GRPEL2: variants seen among roughly 807,000 people sequenced by gnomAD.
The protein encoded by GRPEL2 is GrpE like 2, mitochondrial, also known as grpE protein homolog 2, mitochondrial.
In GRPEL2, 18 loss-of-function variants were observed where a neutral mutation model predicts 25.9. That is an observed-to-expected ratio of 0.70 (90% CI 0.48 to 1.03). GRPEL2 has a LOEUF of 1.03. GRPEL2 is among the 50% of genes least tolerant of loss of function. The pLI is 0.00. For synonymous variants in GRPEL2, 106 were observed against 107.9 expected, an observed-to-expected ratio of 0.98 and a Z score of 0.11; for missense variants, 247 against 276.2, an observed-to-expected ratio of 0.89 and a Z score of 0.75.
At chr5:149,350,184 TC>T (rs1322001058) in intron 3 of GRPEL2, among the ~76,000 whole-genome samples, 12 of 152,258 alleles carry the variant, frequency 7.9e-5, no homozygotes, top group African/African-American at 2.7e-4. Flanking sequence ...AGCTTTGGTA[TC>T]GTGTCATAGA....
chr5:149,350,811 C>T (rs1168754351), intron 3 of GRPEL2, 107 bp from the exon 4 acceptor site: 1 of 1,161,854 alleles, frequency 8.6e-7, no homozygotes, highest in Non-Finnish European at 1.2e-6. Flanking sequence ...TTTCCACTTG[C>T]TGGACTACTC....
At chr5:149,348,228 A>T in intron 1 of GRPEL2, 44 bp from the exon 2 acceptor site, 2 of 1,544,012 alleles carry the variant, frequency 1.3e-6, no homozygotes, top group Non-Finnish European at 1.7e-6. Flanking sequence ...ATTTTGGCTT[A>T]TGATGGCATT....
chr5:149,346,715 ATTTTTTTTTTTTTTTTTTTTTTT>A (rs34300270), intron 1 of GRPEL2, among the ~76,000 whole-genome samples: 37 of 59,266 alleles, frequency 6.2e-4, no homozygotes, highest in Admixed American at 2.8e-3. Flanking sequence ...GGCCCTGAGA[ATTTTTTTTTTTTTTTTTTTTTTT>A]TTTTTTTTTT....
chr5:149,348,417 G>A lies in GRPEL2; in HGVS notation c.223G>A (p.Asp75Asn). ...KAVKLEKEVQDLTVRYQRAIA... is the reference protein window; with the variant it reads ...KAVKLEKEVQNLTVRYQRAIA... Reference sequence around the variant, plus strand: ...TGTTAAACTGGAGAAAGAAGTCCAAGATTTAACAGTGAGTCAATTTTATAT... The same window carrying A: ...TGTTAAACTGGAGAAAGAAGTCCAAAATTTAACAGTGAGTCAATTTTATAT... The change falls in exon 2 of 4, where the codon GAT becomes AAT. Residue 75 changes from aspartate (D) to asparagine (N), a missense_variant. By Grantham distance (23) the Asp-to-Asn change is conservative (BLOSUM62 1). Around this residue, in one of 2 missense-constraint regions of GRPEL2, gnomAD observed 125 missense variants for 107.0 expected, o/e 1.17. Coordinates refer to ENST00000329271, the MANE Select transcript of GRPEL2 (RefSeq NM_152407.4). The A allele has an allele frequency of 2.5e-6, 4 of 1,595,974 alleles. No homozygotes were observed. Among genetic ancestry groups the A allele is most frequent in the Non-Finnish European group, 3.4e-6 (4 of 1,174,976 alleles).
intron 2 of GRPEL2, among the ~76,000 whole-genome samples, chr5:149,349,009 A>C (rs977769174): frequency 6.6e-6 from 1 of 150,402 alleles, no homozygotes; most frequent in African/African-American, 2.5e-5. Flanking sequence ...TTTTTTTTTT[A>C]AATGAGACGT....
Position 149,354,187 on chromosome 5 carries a change from C to G in GRPEL2, c.*2905C>G, listed in dbSNP as rs1012663114. ...TAAAATTAGCCACACCACAGGAAAC[C>G]CACATTTTTAGATGGAAAGAGCAAG... On this transcript the variant is annotated 3_prime_UTR_variant, in exon 4 of 4. Transcript: ENST00000329271. 1 of 152,110 alleles carries G rather than the reference C, an allele frequency of 6.6e-6. No individual in the cohort carries two copies. Among genetic ancestry groups the G allele is most frequent in the Non-Finnish European group, 1.5e-5 (1 of 68,014 alleles). 9.4% of individuals were successfully genotyped at this position (152,110 alleles called of 1,614,324 possible). A position where few individuals can be genotyped will look rare whatever the true frequency, so the allele number is the denominator to read the frequency against.
rs959686051 is a variant in GRPEL2 at position 149,352,274 on chromosome 5, T to C, written c.*992T>C. The C allele has an allele frequency of 1.3e-5, 2 of 152,138 alleles. No homozygotes were observed. The highest frequency in any genetic ancestry group is 4.8e-5 in the African/African-American group (2 of 41,430). The allele number at this position is 152,138 out of a possible 1,614,324, so 9.4% of individuals were successfully genotyped here. The stretch of plus-strand genomic sequence containing the variant: ...CCTCTGGCTCTATTTATGTTACTTT[T>C]TGCGATAAGAACACTTAACATAAGT... On this transcript the variant is annotated 3_prime_UTR_variant, in exon 4 of 4. Coordinates refer to ENST00000329271, the MANE Select transcript of GRPEL2 (RefSeq NM_152407.4).
At position 149,351,270 on chromosome 5, in the gene GRPEL2, GAGA is replaced by G; in HGVS notation, c.670_672del (p.Arg224del). The G allele has an allele frequency of 6.2e-7, 1 of 1,608,520 alleles. No individual in the cohort carries two copies. The highest frequency in any genetic ancestry group is 8.5e-7 in the Non-Finnish European group (1 of 1,175,706). On this transcript the variant is annotated inframe_deletion, in exon 4 of 4. Coordinates refer to ENST00000329271, the MANE Select transcript of GRPEL2 (RefSeq NM_152407.4). Reference sequence around the variant, plus strand: ...GAGTGGAAGTGGCAGTGGAGTCTCAGAGAAGACTGTGAAGAGGCCATCAGGAAC... The same window carrying G: ...GAGTGGAAGTGGCAGTGGAGTCTCAGAGACTGTGAAGAGGCCATCAGGAAC...
At position 149,348,271 on chromosome 5, in the gene GRPEL2, G is replaced by T; in HGVS notation, c.78-1G>T. 1 of 1,588,922 alleles carries T rather than the reference G, an allele frequency of 6.3e-7. No homozygotes were observed. The highest frequency in any genetic ancestry group is 1.9e-5 in the Admixed American group (1 of 52,638). On this transcript the variant is annotated splice_acceptor_variant, in intron 1 of 3. Coordinates refer to ENST00000329271, the MANE Select transcript of GRPEL2 (RefSeq NM_152407.4). LOFTEE classifies it high-confidence loss of function. ...TATGTGCCACCTCCTTCCTGTTTTAGGGGATGGCCGCTTCCATTCAGCACT... is the reference window on the plus strand; with the variant it reads ...TATGTGCCACCTCCTTCCTGTTTTATGGGATGGCCGCTTCCATTCAGCACT...
At position 149,351,349 on chromosome 5, in the gene GRPEL2, T is replaced by C; in HGVS notation, c.*67T>C. On this transcript the variant is annotated 3_prime_UTR_variant, in exon 4 of 4. Coordinates refer to ENST00000329271, the MANE Select transcript of GRPEL2 (RefSeq NM_152407.4). ...CCTATGTTTCTTTTATTTATTAAAC[T>C]AGGTTTGTATTGTACATGAGGTACT... is the stretch of plus-strand genomic sequence containing the variant. The C allele has an allele frequency of 6.7e-7, 1 of 1,484,410 alleles. No individual in the cohort carries two copies. The highest frequency in any genetic ancestry group is 9.0e-7 in the Non-Finnish European group (1 of 1,106,270). 92.0% of individuals were successfully genotyped at this position (1,484,410 alleles called of 1,614,324 possible). A position where few individuals can be genotyped will look rare whatever the true frequency, so the allele number is the denominator to read the frequency against.
At position 149,351,216 on chromosome 5, in the gene GRPEL2, A is replaced by C. The variant is rs761148157; in HGVS notation, c.612A>C (p.Lys204Asn). The C allele has an allele frequency of 6.8e-6, 11 of 1,614,016 alleles. No individual in the cohort carries two copies. Among genetic ancestry groups the C allele is most frequent in the Non-Finnish European group, 9.3e-6 (11 of 1,180,038 alleles). Reference sequence around the variant, plus strand: ...CATTAGTAAGACAAGATGGCTACAAACTTCATGGCCGCACCATTAGGCTTG... The same window carrying C: ...CATTAGTAAGACAAGATGGCTACAACCTTCATGGCCGCACCATTAGGCTTG... ...TVALVRQDGY[K>N]LHGRTIRLAR... The change falls in exon 4 of 4, where the codon AAA becomes AAC. Residue 204 changes from lysine (K) to asparagine (N), a missense_variant. Transcript: ENST00000329271.
chr5:149,348,495 T>A, intron 2 of GRPEL2, 70 bp downstream of exon 2: 4 of 1,313,726 alleles, frequency 3.0e-6, no homozygotes, highest in Non-Finnish European at 4.1e-6. Context: ...GTTTTTTATG[T>A]CAATTTTCAA....
At chr5:149,349,766 T>C (rs1757747647) in intron 3 of GRPEL2, 31 bp downstream of exon 3, 1 of 1,539,458 alleles carries the variant, frequency 6.5e-7, no homozygotes, top group Non-Finnish European at 9.0e-7. Flanking sequence ...AAAAATGTCT[T>C]TGGTTGGGCA....
chr5:149,351,245 G>A lies in GRPEL2; in HGVS notation c.641G>A (p.Arg214Gln), dbSNP rs567505041. Residue 214 changes from arginine (R) to glutamine (Q), a missense_variant, in exon 4 of 4, where the codon CGA becomes CAA. Arg to Gln is a conservative substitution (Grantham distance 43). This residue lies in a region of GRPEL2 where 122 missense variants were observed against 169.2 expected (regional missense o/e 0.72). Transcript: ENST00000329271. ...KLHGRTIRLA[R>Q]VEVAVESQRR... ...CATGGCCGCACCATTAGGCTTGCCC[G>A]AGTGGAAGTGGCAGTGGAGTCTCAG... is the stretch of plus-strand genomic sequence containing the variant. 24 of 1,611,412 alleles carry A rather than the reference G, an allele frequency of 1.5e-5. No individual in the cohort carries two copies. Among genetic ancestry groups the A allele is most frequent in the South Asian group, 7.7e-5 (7 of 91,030 alleles).
At position 149,351,745 on chromosome 5, in the gene GRPEL2, C is replaced by G. The variant is rs1757779884; in HGVS notation, c.*463C>G. 6.4e-6 allele frequency: 1 copy of G among 155,110 alleles called. No individual in the cohort carries two copies. The highest frequency in any genetic ancestry group is 1.4e-5 in the Non-Finnish European group (1 of 69,764). The allele number at this position is 155,110 out of a possible 1,614,324, so 9.6% of individuals were successfully genotyped here. On this transcript the variant is annotated 3_prime_UTR_variant, in exon 4 of 4. Transcript: ENST00000329271. Reference sequence around the variant, plus strand: ...GATCATTTGGATTGATTTTTATACACATAGATTTTCAGGACTTTACCTTTT... The same window carrying G: ...GATCATTTGGATTGATTTTTATACAGATAGATTTTCAGGACTTTACCTTTT...
Position 149,353,109 on chromosome 5 carries a change from TCTC to T in GRPEL2, c.*1830_*1832del, listed in dbSNP as rs1757800855. 6.6e-6 allele frequency: 1 copy of T among 152,646 alleles called. No individual in the cohort carries two copies. Among genetic ancestry groups the T allele is most frequent in the Non-Finnish European group, 1.5e-5 (1 of 68,044 alleles). The allele number at this position is 152,646 out of a possible 1,614,324, so 9.5% of individuals were successfully genotyped here. ...GCACACAAACTTATCAATAAAGCCA[TCTC>T]CTTGTGGGCCTTACCATCTTCATCA... On this transcript the variant is annotated 3_prime_UTR_variant, in exon 4 of 4. Coordinates refer to ENST00000329271, the MANE Select transcript of GRPEL2 (RefSeq NM_152407.4).
chr5:149,347,067 G>GT (rs144494678), intron 1 of GRPEL2, among the ~76,000 whole-genome samples: 1 of 152,086 alleles, frequency 6.6e-6, no homozygotes, highest in Non-Finnish European at 1.5e-5. Flanking sequence ...GATAAATGTG[G>GT]TTTTTTTAGG....
chr5:149,347,988 T>C (rs180738071), intron 1 of GRPEL2: 1 of 266,542 alleles, frequency 3.8e-6, no homozygotes, highest in African/African-American at 2.2e-5. Context: ...TATGTGATCT[T>C]GAGCAGGCCA....
In GRPEL2 at chr5:149,353,167, T is replaced by C. The variant is rs149837990; in HGVS notation, c.*1885T>C. The C allele has an allele frequency of 2.0e-3, 298 of 152,768 alleles. No individual in the cohort carries two copies. Among genetic ancestry groups the C allele is most frequent in the African/African-American group, 6.8e-3 (281 of 41,578 alleles). The allele number at this position is 152,768 out of a possible 1,614,324, so 9.5% of individuals were successfully genotyped here. A position where few individuals can be genotyped will look rare whatever the true frequency, so the allele number is the denominator to read the frequency against. Reference sequence around the variant, plus strand: ...TAGACCCTTAAAAAACAAGTAAATATGCACTTTTAAAATGCAATCAAAAGA... The same window carrying C: ...TAGACCCTTAAAAAACAAGTAAATACGCACTTTTAAAATGCAATCAAAAGA... On this transcript the variant is annotated 3_prime_UTR_variant, in exon 4 of 4. Transcript: ENST00000329271.
Sources: allele counts gnomAD v4.1 joint callset (sites outside exome capture counted in the v4.1 genomes callset), GRCh38; gene constraint gnomAD v4.1.1; regional missense constraint gnomAD v4.1.1; transcripts MANE v1.5; gene names NCBI Gene and HGNC (gene_info 2026-07-23, HGNC 2026-07-21).